Variants in STRADB observed in about 807,000 individuals in gnomAD.
The protein encoded by STRADB is STE20-related kinase adapter protein beta.
In STRADB, 34 loss-of-function variants were observed where a neutral mutation model predicts 52.1. That is an observed-to-expected ratio of 0.65 (90% CI 0.50 to 0.87). The LOEUF is 0.87. STRADB is among the 40% of genes least tolerant of loss of function. The pLI, the probability that STRADB is intolerant of heterozygous loss-of-function variation, is 0.00. For missense variants in STRADB, 340 were observed against 483.9 expected (o/e 0.70, Z 2.79); for synonymous variants, 133 against 174.5 (o/e 0.76, Z 1.87).
At chr2:201,469,738 T>C (rs773530206) in intron 3 of STRADB, among the ~76,000 whole-genome samples, 30 of 152,198 alleles carry the variant, frequency 2.0e-4, no homozygotes, top group Non-Finnish European at 2.9e-4. Context: ...TAAATCTGCT[T>C]TTCCTGCCCT....
Position 201,480,041 on chromosome 2 carries a change from G to C in STRADB, c.1123G>C (p.Glu375Gln). 1 of 1,613,876 alleles carries C rather than the reference G, an allele frequency of 6.2e-7. No individual in the cohort carries two copies. Among genetic ancestry groups the C allele is most frequent in the Non-Finnish European group, 8.5e-7 (1 of 1,179,802 alleles). Residue 375 changes from glutamate (E) to glutamine (Q), a missense_variant, in exon 12 of 12, where the codon GAA (glutamate) becomes CAA (glutamine). By Grantham distance (29) the Glu-to-Gln change is conservative. Transcript: ENST00000194530. ...TGAGTTTCTTTAACAGATGAAAGAA[G>C]AAAGCCAGGATTCAATACTTTCACT... The part of the protein sequence containing the change: ...SHVFFKQMKE[E>Q]SQDSILSLLP...
chr2:201,453,351 C>G (rs1952079509), intron 1 of STRADB, among the ~76,000 whole-genome samples: 1 of 152,086 alleles, frequency 6.6e-6, no homozygotes, highest in Non-Finnish European at 1.5e-5. Context: ...TTAATCATGA[C>G]ATCCATAACC....
intron 3 of STRADB, among the ~76,000 whole-genome samples, chr2:201,467,140 G>A (rs113307376): frequency 1.3e-5 from 2 of 152,258 alleles, no homozygotes; most frequent in Non-Finnish European, 2.9e-5. Flanking sequence ...CAGTGCCAGA[G>A]GAAATGGTGC....
rs201667491 is a variant in STRADB at position 201,470,308 on chromosome 2, T to C, written c.193+256T>C. ...TGAGGAAGACACTAAATACTTATTA[T>C]TTGTGTGTTTATTGTGGGAAGCATC... On this transcript the variant is annotated intron_variant, in intron 4 of 11. Coordinates refer to ENST00000194530, the MANE Select transcript of STRADB (RefSeq NM_018571.6). Among the ~76,000 whole-genome samples the C allele has an allele frequency of 9.9e-5, 15 of 152,248 alleles. No individual in the cohort carries two copies. In the East Asian group the frequency reaches 2.9e-3, roughly 29 times the overall value.
chr2:201,462,439 G>T (rs1284337959), intron 3 of STRADB, among the ~76,000 whole-genome samples: 1 of 151,944 alleles, frequency 6.6e-6, no homozygotes, highest in Non-Finnish European at 1.5e-5. Context: ...GCTGGCTTTT[G>T]TTATTTGTTT....
chr2:201,460,371 T>G (rs1207061232), intron 3 of STRADB, among the ~76,000 whole-genome samples: 1 of 152,220 alleles, frequency 6.6e-6, no homozygotes, highest in Non-Finnish European at 1.5e-5. Context: ...GCATAAATCA[T>G]TTCTTTGTGT....
chr2:201,462,297 T>C (rs1952227953), intron 3 of STRADB, among the ~76,000 whole-genome samples: 1 of 152,210 alleles, frequency 6.6e-6, no homozygotes, highest in South Asian at 2.1e-4. Context: ...TGAGTGTCTT[T>C]ATAGGTGAAG....
chr2:201,479,314 A>G (rs1952532681), intron 10 of STRADB, 175 bp from the exon 11 acceptor site: 1 of 595,214 alleles, frequency 1.7e-6, no homozygotes, highest in African/African-American at 1.9e-5. Context: ...TACCTCTACA[A>G]TTATTTCCTT....
At position 201,480,082 on chromosome 2, in the gene STRADB, T is replaced by C; in HGVS notation, c.1164T>C (p.Tyr388=). The C allele has an allele frequency of 1.9e-6, 3 of 1,613,926 alleles. No individual in the cohort carries two copies. The highest frequency in any genetic ancestry group is 2.2e-5 in the East Asian group (1 of 44,870). The change falls in exon 12 of 12, where the codon TAT becomes TAC. Residue 388 remains tyrosine (Y), a synonymous_variant. Coordinates refer to ENST00000194530, the MANE Select transcript of STRADB (RefSeq NM_018571.6). ...DSILSLLPPA[Y]NKPSISLPPV... The stretch of plus-strand genomic sequence containing the variant: ...TACTTTCACTGTTGCCTCCTGCTTA[T>C]AACAAGCCATCAATATCATTGCCTC...
At chr2:201,475,501 G>A (rs1952458225) in intron 6 of STRADB, 118 bp from the exon 7 acceptor site, 12 of 1,213,796 alleles carry the variant, frequency 9.9e-6, no homozygotes, top group Non-Finnish European at 1.4e-5. Context: ...TGTTGTTTGG[G>A]TTAGACTCCA....
At chr2:201,454,916 C>A in intron 2 of STRADB, 64 bp downstream of exon 2, 1 of 1,486,626 alleles carries the variant, frequency 6.7e-7, no homozygotes, top group Non-Finnish European at 9.2e-7. Context: ...TAATGCCAAG[C>A]CATAATAAAA....
chr2:201,456,624 C>T (rs1952132244), intron 2 of STRADB, among the ~76,000 whole-genome samples: 1 of 152,054 alleles, frequency 6.6e-6, no homozygotes, highest in Admixed American at 6.6e-5. Context: ...AAAGTTGATA[C>T]TTTTACTTAA....
intron 3 of STRADB, among the ~76,000 whole-genome samples, chr2:201,461,422 C>A (rs1382126759): frequency 6.6e-6 from 1 of 152,182 alleles, no homozygotes; most frequent in African/African-American, 2.4e-5. Flanking sequence ...ATCCTCCCAC[C>A]TCAGCCTCCC....
rs1446658106 is a variant in STRADB at position 201,478,304 on chromosome 2, C to G, written c.826-53C>G. Reference sequence around the variant, plus strand: ...ACTCTTAGGAGCTTTATTGTTGTTACTGTTTTAATATTTTGCCTGAAAAGT... The same window carrying G: ...ACTCTTAGGAGCTTTATTGTTGTTAGTGTTTTAATATTTTGCCTGAAAAGT... On this transcript the variant is annotated intron_variant, in intron 9 of 11. Coordinates refer to ENST00000194530, the MANE Select transcript of STRADB (RefSeq NM_018571.6). 4 of 1,602,814 alleles carry G rather than the reference C, an allele frequency of 2.5e-6. No homozygotes were observed. The Admixed American group carries it at 6.9e-5, about 28-fold the overall frequency.
chr2:201,454,681 A>T, intron 1 of STRADB, 65 bp from the exon 2 acceptor site: 1 of 608,464 alleles, frequency 1.6e-6, no homozygotes, highest in Non-Finnish European at 2.8e-6. Context: ...GGATGGGTTT[A>T]AGGCAACTGG....
chr2:201,452,781 C>T (rs1031756320), intron 1 of STRADB, among the ~76,000 whole-genome samples: 1 of 152,136 alleles, frequency 6.6e-6, no homozygotes, highest in African/African-American at 2.4e-5. Flanking sequence ...AGAAGATGCG[C>T]CCTTTGGTTT....
chr2:201,458,908 TC>T, intron 3 of STRADB, 44 bp downstream of exon 3: 4 of 1,553,716 alleles, frequency 2.6e-6, no homozygotes, highest in Non-Finnish European at 3.5e-6. Flanking sequence ...ACACCTGTAA[TC>T]CCAACACTCT....
At chr2:201,452,091 G>C (rs1157368996) in intron 1 of STRADB, among the ~76,000 whole-genome samples, 153 bp downstream of exon 1, 1 of 152,050 alleles carries the variant, frequency 6.6e-6, no homozygotes, top group African/African-American at 2.4e-5. Context: ...GGCGGGAGCC[G>C]TGGCAAGAAT....
chr2:201,456,508 A>C (rs1952129688), intron 2 of STRADB, among the ~76,000 whole-genome samples: 1 of 152,194 alleles, frequency 6.6e-6, no homozygotes, highest in Non-Finnish European at 1.5e-5. Flanking sequence ...ATCGTTAATG[A>C]TTGTAACTTT....
Sources: allele counts gnomAD v4.1 joint callset (sites outside exome capture counted in the v4.1 genomes callset), GRCh38; gene constraint gnomAD v4.1.1; transcripts MANE v1.5; gene names NCBI Gene and HGNC (gene_info 2026-07-23, HGNC 2026-07-21).